SWT1: variants seen among roughly 807,000 people sequenced by gnomAD.
SWT1 encodes the protein transcriptional protein SWT1.
Under a neutral mutation model 107.3 loss-of-function variants are expected in SWT1, and 33 were observed. That is an observed-to-expected ratio of 0.31 (90% CI 0.23 to 0.41). The LOEUF (loss-of-function observed/expected upper bound fraction) is 0.41. Among genes scored for constraint, SWT1 ranks in the 10% least tolerant of loss-of-function variants. SWT1 has a pLI of 1.00. For missense variants in SWT1, 898 were observed against 1,028.9 expected (o/e 0.87, Z 1.74); for synonymous variants, 345 against 348.3 (o/e 0.99, Z 0.11).
At chr1:185,219,396 A>C (rs1659462570) in intron 14 of SWT1, among the ~76,000 whole-genome samples, 1 of 152,208 alleles carries the variant, frequency 6.6e-6, no homozygotes, top group African/African-American at 2.4e-5. Context: ...AATAAATAGA[A>C]AATTCTGAGA....
chr1:185,227,015 CT>C (rs1354043345), intron 15 of SWT1: 1 of 894,156 alleles, frequency 1.1e-6, no homozygotes, highest in African/African-American at 1.6e-5. Flanking sequence ...TTATGCTGTT[CT>C]TTATGTATTG....
intron 16 of SWT1, among the ~76,000 whole-genome samples, chr1:185,232,314 A>G (rs1432746798): frequency 2.0e-5 from 3 of 152,204 alleles, no homozygotes; most frequent in Admixed American, 6.5e-5. Flanking sequence ...AGGGTGAACT[A>G]TTGAGTTCTG....
chr1:185,185,817 A>G (rs1656421992), intron 9 of SWT1, among the ~76,000 whole-genome samples: 2 of 152,180 alleles, frequency 1.3e-5, no homozygotes, highest in South Asian at 4.1e-4. Flanking sequence ...GGTCTCTACC[A>G]TTCATTCATT....
chr1:185,223,152 T>C (rs370720522), intron 15 of SWT1, among the ~76,000 whole-genome samples: 13 of 152,286 alleles, frequency 8.5e-5, no homozygotes, highest in African/African-American at 2.4e-4. Flanking sequence ...GCACCACTAA[T>C]TTACAAATCT....
intron 16 of SWT1, among the ~76,000 whole-genome samples, chr1:185,257,502 G>A (rs7535064): frequency 7.3e-5 from 11 of 151,482 alleles, no homozygotes; most frequent in Non-Finnish European, 1.3e-4. Flanking sequence ...TTTTTAAGCC[G>A]GTCGGAAAAG....
chr1:185,281,889 G>C (rs1028746832), intron 18 of SWT1: 1 of 152,318 alleles, frequency 6.6e-6, no homozygotes, highest in Non-Finnish European at 1.5e-5. Flanking sequence ...GAAGGTTCTT[G>C]CTTGCTTTTA....
intron 16 of SWT1, among the ~76,000 whole-genome samples, chr1:185,257,456 G>A (rs1488014128): frequency 3.3e-5 from 5 of 152,138 alleles, no homozygotes; most frequent in Admixed American, 6.5e-5. Flanking sequence ...AGGACCCTCC[G>A]AGCCAGGTGC....
In SWT1 at chr1:185,268,596, G is replaced by A. The variant is rs1371888184; in HGVS notation, c.2442-2727G>A. Among the ~76,000 whole-genome samples the A allele has an allele frequency of 2.0e-5, 3 of 152,004 alleles. No homozygotes were observed. In the East Asian group the frequency reaches 5.8e-4, roughly 29 times the overall value. On this transcript the variant is annotated intron_variant, in intron 16 of 18. Transcript: ENST00000367500. ...ATAAAGGGTCACTTGCTCTGATCTG[G>A]GCATCTTTAGTACATATTTTACATT...
At chr1:185,165,189 T>G (rs1654466317) in intron 2 of SWT1, among the ~76,000 whole-genome samples, 1 of 152,192 alleles carries the variant, frequency 6.6e-6, no homozygotes, top group Non-Finnish European at 1.5e-5. Flanking sequence ...CTGTCTCATA[T>G]GGGCAGTCTG....
intron 13 of SWT1, among the ~76,000 whole-genome samples, chr1:185,211,020 C>CCACT (rs1553256768): frequency 1.3e-5 from 2 of 151,758 alleles, no homozygotes; most frequent in East Asian, 1.9e-4. Context: ...GAACTACAAA[C>CCACT]CGCTGCTCAA....
At chr1:185,269,485 C>G (rs1663690988) in intron 16 of SWT1, among the ~76,000 whole-genome samples, 3 of 150,132 alleles carry the variant, frequency 2.0e-5, no homozygotes, top group Admixed American at 1.3e-4. Context: ...TGTATGTGTG[C>G]CCCCTCCAAG....
Position 185,180,459 on chromosome 1 carries a change from T to C in SWT1, c.1026+9T>C. ...AGGATGCAGATCAAGAGGTTATTGA[T>C]ATTCTTGTTTACTTTGATATTTTTA... On this transcript the variant is annotated intron_variant, in intron 6 of 18. Coordinates refer to ENST00000367500, the MANE Select transcript of SWT1 (RefSeq NM_017673.7). 2 of 1,595,814 alleles carry C rather than the reference T, an allele frequency of 1.3e-6. No individual in the cohort carries two copies. The highest frequency in any genetic ancestry group is 1.7e-6 in the Non-Finnish European group (2 of 1,163,514).
intron 10 of SWT1, among the ~76,000 whole-genome samples, chr1:185,193,602 G>A (rs1232202976): frequency 6.6e-6 from 1 of 152,032 alleles, no homozygotes; most frequent in East Asian, 1.9e-4. Flanking sequence ...GAGTAGCTGG[G>A]ACTACAGTTG....
At chr1:185,210,956 G>A (rs1179337020) in intron 13 of SWT1, among the ~76,000 whole-genome samples, 4 of 152,086 alleles carry the variant, frequency 2.6e-5, no homozygotes, top group Non-Finnish European at 5.9e-5. Context: ...TTGCTACAAA[G>A]ACAATAAAAT....
At chr1:185,267,633 T>C (rs1663500568) in intron 16 of SWT1, among the ~76,000 whole-genome samples, 1 of 152,240 alleles carries the variant, frequency 6.6e-6, no homozygotes, top group Admixed American at 6.5e-5. Flanking sequence ...TAGCTTCATA[T>C]GCATTTGAAC....
intron 16 of SWT1, among the ~76,000 whole-genome samples, chr1:185,241,454 C>A (rs1167178038): frequency 2.0e-5 from 3 of 152,134 alleles, no homozygotes; most frequent in African/African-American, 7.2e-5. Context: ...GTCCTTTCAT[C>A]ACCAAGTATA....
intron 5 of SWT1, 59 bp downstream of exon 5, chr1:185,175,172 A>T: frequency 3.3e-6 from 4 of 1,222,346 alleles, no homozygotes; most frequent in South Asian, 2.5e-5. Context: ...AATATAGTTA[A>T]GTTTTTTCTG....
At chr1:185,188,409 C>A (rs1036749640) in intron 9 of SWT1, among the ~76,000 whole-genome samples, 2 of 152,180 alleles carry the variant, frequency 1.3e-5, no homozygotes, top group Admixed American at 1.3e-4. Flanking sequence ...TTTTGAGTTA[C>A]ACATTTTGCA....
At chr1:185,270,682 C>CGTGTGTG (rs1558093005) in intron 16 of SWT1, among the ~76,000 whole-genome samples, 1 of 152,142 alleles carries the variant, frequency 6.6e-6, no homozygotes. Flanking sequence ...GCACTACAGC[C>CGTGTGTG]TGGGCGACAG....
Sources: gnomAD v4.1 joint callset for allele counts (sites outside exome capture counted in the v4.1 genomes callset) on GRCh38, gnomAD v4.1.1 for gene constraint, MANE v1.5 for transcripts, NCBI Gene and HGNC (gene_info 2026-07-23, HGNC 2026-07-21) for gene names.